Variants in COL5A2 observed in about 807,000 individuals in gnomAD.
COL5A2 encodes collagen type V alpha 2 chain.
COL5A2 carries 23 observed loss-of-function variants against 208.2 expected under a neutral mutation model. The ratio of observed to expected loss-of-function variants is 0.11; its 90% CI spans 0.08 to 0.16. The LOEUF is 0.16. Among genes scored for constraint, COL5A2 ranks in the 10% least tolerant of loss-of-function variants. COL5A2 has a pLI of 1.00. For synonymous variants in COL5A2, 625 were observed against 628.5 expected (o/e 0.99, Z 0.08); for missense variants, 1,590 against 1,956.4 (o/e 0.81, Z 3.53).
the COL5A2 span, among the ~76,000 whole-genome samples, chr2:189,396,836 A>T: frequency 6.6e-6 from 1 of 151,822 alleles, no homozygotes; most frequent in Non-Finnish European, 1.5e-5. Flanking sequence ...CTACTAACAT[A>T]CAAAAATTAG....
intron 3 of COL5A2, among the ~76,000 whole-genome samples, chr2:189,101,039 A>T (rs1687036606): frequency 6.6e-6 from 1 of 152,030 alleles, no homozygotes; most frequent in South Asian, 2.1e-4. Flanking sequence ...TGGTCTCCTC[A>T]AAGTCATGGT....
At chr2:189,148,030 C>T (rs1688073584) in intron 1 of COL5A2, among the ~76,000 whole-genome samples, 1 of 152,092 alleles carries the variant, frequency 6.6e-6, no homozygotes, top group Non-Finnish European at 1.5e-5. Flanking sequence ...CGCCATGATG[C>T]TCTTAGTATT....
chr2:189,351,452 A>T, the COL5A2 span, among the ~76,000 whole-genome samples: 3 of 152,350 alleles, frequency 2.0e-5, no homozygotes, highest in East Asian at 5.8e-4. Context: ...TAAAATGATT[A>T]GACAGTTCTC....
the COL5A2 span, among the ~76,000 whole-genome samples, chr2:189,372,984 AGC>A: frequency 6.6e-6 from 1 of 152,188 alleles, no homozygotes; most frequent in African/African-American, 2.4e-5. Context: ...GAATTTTGCA[AGC>A]CAGTCAATTA....
chr2:189,202,365 C>G (rs1469399202), intron 1 of COL5A2, among the ~76,000 whole-genome samples: 1 of 152,104 alleles, frequency 6.6e-6, no homozygotes, highest in Non-Finnish European at 1.5e-5. Flanking sequence ...AACAGATTAT[C>G]AGACCAGCAA....
At position 189,063,756 on chromosome 2, in the gene COL5A2, C is replaced by T. The variant is rs577878814; in HGVS notation, c.1770+224G>A. On this transcript the variant is annotated intron_variant, in intron 26 of 53. Coordinates refer to ENST00000374866, the MANE Select transcript of COL5A2 (RefSeq NM_000393.5). ...TTTTAACATTTTCACTGATGTCAGGCAGGGAAGCAATTCAATCTCAAATAT... is the reference window on the plus strand; with the variant it reads ...TTTTAACATTTTCACTGATGTCAGGTAGGGAAGCAATTCAATCTCAAATAT... Among the ~76,000 whole-genome samples, 9 of 152,254 alleles carry T rather than the reference C, an allele frequency of 5.9e-5. No individual in the cohort carries two copies. The East Asian group carries it at 1.7e-3, about 29-fold the overall frequency.
At chr2:189,077,078 GA>G (rs199628784) in intron 16 of COL5A2, among the ~76,000 whole-genome samples, 11 of 151,558 alleles carry the variant, frequency 7.3e-5, no homozygotes, top group Admixed American at 3.3e-4. Flanking sequence ...AAATTTAAAG[GA>G]AAAAAAAGAA....
the COL5A2 span, among the ~76,000 whole-genome samples, chr2:189,382,185 T>G: frequency 6.6e-6 from 1 of 151,984 alleles, no homozygotes; most frequent in Non-Finnish European, 1.5e-5. Context: ...CAGCAATAAA[T>G]AAAAGGTGAT....
At chr2:189,381,868 T>C in the COL5A2 span, among the ~76,000 whole-genome samples, 1 of 152,056 alleles carries the variant, frequency 6.6e-6, no homozygotes, top group Non-Finnish European at 1.5e-5. Flanking sequence ...GAAAATAGTA[T>C]TATAATATAA....
the COL5A2 span, among the ~76,000 whole-genome samples, chr2:189,403,429 C>A: frequency 6.6e-6 from 1 of 152,114 alleles, no homozygotes; most frequent in Non-Finnish European, 1.5e-5. Flanking sequence ...TGCCTGATTG[C>A]CCTGGCCACA....
the COL5A2 span, chr2:189,311,197 T>C: frequency 0.031 from 31,323 of 1,011,934 alleles, 594 homozygotes; most frequent in Admixed American, 0.05. Flanking sequence ...AGACTATTTT[T>C]TTTTCACCTC....
At chr2:189,297,851 T>C in the COL5A2 span, among the ~76,000 whole-genome samples, 4 of 152,192 alleles carry the variant, frequency 2.6e-5, no homozygotes, top group Non-Finnish European at 5.9e-5. Context: ...ATTCAAAGAG[T>C]TGGAATTCAA....
intron 45 of COL5A2, among the ~76,000 whole-genome samples, chr2:189,047,793 G>A (rs377522222): frequency 6.6e-6 from 1 of 152,174 alleles, no homozygotes; most frequent in East Asian, 1.9e-4. Context: ...AACACATCAT[G>A]GAATATACAG....
chr2:189,367,844 T>C, the COL5A2 span, among the ~76,000 whole-genome samples: 1 of 152,218 alleles, frequency 6.6e-6, no homozygotes, highest in Non-Finnish European at 1.5e-5. Context: ...TTTTAAATTA[T>C]ATTTCTATTA....
chr2:189,074,448 C>G (rs1199118543), intron 17 of COL5A2, among the ~76,000 whole-genome samples: 3 of 152,072 alleles, frequency 2.0e-5, no homozygotes, highest in African/African-American at 7.2e-5. Context: ...GCACAATGTA[C>G]AAAATATTGG....
At position 189,116,196 on chromosome 2, in the gene COL5A2, A is replaced by C. The variant is rs1189006353; in HGVS notation, c.98-5747T>G. ...GTCAGCTGGTGGCCTCATGAAGTGG[A>C]GAGAGAATGCCTTGTGGGACAAAGG... is the stretch of plus-strand genomic sequence containing the variant. On this transcript the variant is annotated intron_variant, in intron 1 of 53. Coordinates refer to ENST00000374866, the MANE Select transcript of COL5A2 (RefSeq NM_000393.5). Among the ~76,000 whole-genome samples the C allele has an allele frequency of 1.3e-5, 2 of 152,148 alleles. 1 individual carries two copies. The highest frequency in any genetic ancestry group is 2.9e-5 in the Non-Finnish European group (2 of 68,022).
intron 33 of COL5A2, 100 bp from the exon 34 acceptor site, chr2:189,057,527 G>T: frequency 1.2e-6 from 1 of 846,268 alleles, no homozygotes; most frequent in Non-Finnish European, 2.0e-6. Flanking sequence ...GCAATTTCAT[G>T]TAGTTCAACT....
At chr2:189,080,154 G>T (rs1223458747) in intron 13 of COL5A2, 123 bp from the exon 14 acceptor site, 4 of 734,820 alleles carry the variant, frequency 5.4e-6, no homozygotes, top group Non-Finnish European at 9.3e-6. Flanking sequence ...TAAAGTTGTT[G>T]CTCAAAATAC....
chr2:189,253,080 T>C, the COL5A2 span, among the ~76,000 whole-genome samples: 1 of 152,170 alleles, frequency 6.6e-6, no homozygotes, highest in African/African-American at 2.4e-5. Context: ...TTTGAAGAGA[T>C]GTCTGGTGGC....
Sources: gnomAD v4.1 joint callset for allele counts (sites outside exome capture counted in the v4.1 genomes callset) on GRCh38, gnomAD v4.1.1 for gene constraint, MANE v1.5 for transcripts, NCBI Gene and HGNC (gene_info 2026-07-23, HGNC 2026-07-21) for gene names.